Variants in RUBCN observed in about 807,000 individuals in gnomAD.
RUBCN encodes the protein rubicon autophagy regulator.
RUBCN carries 74 observed loss-of-function variants against 113.2 expected under a neutral mutation model. The observed-to-expected ratio is 0.65, with a 90% CI of 0.54 to 0.79. RUBCN has a LOEUF of 0.79. RUBCN is among the 30% of genes least tolerant of loss of function. RUBCN has a pLI of 0.00. For synonymous variants in RUBCN, 480 were observed against 490.0 expected (o/e 0.98, Z 0.27); for missense variants, 1,109 against 1,251.7 (o/e 0.89, Z 1.72).
At chr3:197,689,752 T>C (rs954185188) in intron 11 of RUBCN, among the ~76,000 whole-genome samples, 1 of 152,268 alleles carries the variant, frequency 6.6e-6, no homozygotes, top group African/African-American at 2.4e-5. Flanking sequence ...GCATACAATG[T>C]GTAATGGTCA....
chr3:197,682,649 T>C (rs1241553037), intron 13 of RUBCN, 34 bp from the exon 14 acceptor site: 1 of 1,601,766 alleles, frequency 6.2e-7, no homozygotes, highest in Admixed American at 1.7e-5. Flanking sequence ...GGTAAGCTCG[T>C]GTCAGTGTGC....
chr3:197,704,712 A>G lies in RUBCN; in HGVS notation c.304-11T>C, dbSNP rs373875742. ...GTGCACGCTGATGAACTGGGAAGCA[A>G]AGGGGCATGAGTCAAAACACACATC... On this transcript the variant is annotated splice_polypyrimidine_tract_variant and intron_variant, in intron 3 of 19. Coordinates refer to ENST00000296343, the MANE Select transcript of RUBCN (RefSeq NM_014687.4). 3.6e-5 allele frequency: 58 copies of G among 1,613,092 alleles called. No individual in the cohort carries two copies. In the African/African-American group the frequency reaches 6.1e-4, roughly 17 times the overall value.
chr3:197,681,169 C>T lies in RUBCN; in HGVS notation c.2390G>A (p.Ser797Asn), dbSNP rs779938988. The part of the protein sequence containing the change: ...DPLFNVQDIN[S>N]ALYRKVKLLN... ...CAGCTTGACCTTCCTATAGAGGGCACTGTTTATGTCCTGCACGTTGAAGAG... is the reference window on the plus strand; with the variant it reads ...CAGCTTGACCTTCCTATAGAGGGCATTGTTTATGTCCTGCACGTTGAAGAG... The change falls in exon 16 of 20, where the codon AGT (serine) becomes AAT (asparagine). Residue 797 changes from serine (S) to asparagine (N), a missense_variant. Physicochemically the swap from Ser to Asn is conservative, Grantham distance 46. Coordinates refer to ENST00000296343, the MANE Select transcript of RUBCN (RefSeq NM_014687.4). This position sits in a 1 kb window ranked among gnomAD's most constrained non-coding sequence, Gnocchi z 5.5. The T allele has an allele frequency of 1.4e-5, 22 of 1,614,046 alleles. 1 individual carries two copies. The South Asian group carries it at 2.2e-4, about 16-fold the overall frequency.
At chr3:197,708,487 T>A (rs1724574928) in intron 2 of RUBCN, among the ~76,000 whole-genome samples, 1 of 138,238 alleles carries the variant, frequency 7.2e-6, no homozygotes, top group African/African-American at 2.7e-5. Context: ...TAAATTAGGG[T>A]ACACTTGTAA....
At chr3:197,732,117 G>C (rs908706933) in intron 1 of RUBCN, among the ~76,000 whole-genome samples, 1 of 151,986 alleles carries the variant, frequency 6.6e-6, no homozygotes, top group Non-Finnish European at 1.5e-5. Context: ...ATGCTAAAAC[G>C]GATCTTACTC....
upstream of RUBCN, among the ~76,000 whole-genome samples, chr3:197,740,760 AC>A (rs1367036827): frequency 6.6e-6 from 1 of 151,894 alleles, no homozygotes; most frequent in Non-Finnish European, 1.5e-5. Flanking sequence ...AGCTGGGATT[AC>A]AGGTGCCCAA....
At chr3:197,694,049 T>C (rs1414731796) in intron 10 of RUBCN, 2 of 514,612 alleles carry the variant, frequency 3.9e-6, no homozygotes, top group Non-Finnish European at 6.9e-6. Flanking sequence ...TATTCCTTTA[T>C]TTATATATAT....
chr3:197,728,062 C>T (rs185514763), intron 1 of RUBCN, among the ~76,000 whole-genome samples: 4 of 151,422 alleles, frequency 2.6e-5, no homozygotes, highest in Admixed American at 2.0e-4. Flanking sequence ...GGCACAGTGG[C>T]ACATGCCTGT....
exon 1 of RUBCN, chr3:197,749,494 C>G: frequency 7.8e-7 from 1 of 1,286,252 alleles, no homozygotes; most frequent in Non-Finnish European, 1.0e-6. Context: ...TGGGATGCAG[C>G]TGCAATCTAC....
intron 2 of RUBCN, among the ~76,000 whole-genome samples, chr3:197,715,436 A>G (rs1454067891): frequency 6.6e-6 from 1 of 152,210 alleles, no homozygotes; most frequent in African/African-American, 2.4e-5. Flanking sequence ...AAATATGACA[A>G]TATTTTATAA....
intron 7 of RUBCN, among the ~76,000 whole-genome samples, chr3:197,699,421 G>T (rs114188649): frequency 4.6e-4 from 70 of 152,288 alleles, no homozygotes; most frequent in African/African-American, 1.5e-3. Flanking sequence ...AGATCCTTCC[G>T]CACACATTTT....
At chr3:197,693,161 T>C (rs1246665746) in intron 11 of RUBCN, among the ~76,000 whole-genome samples, 1 of 152,154 alleles carries the variant, frequency 6.6e-6, no homozygotes, top group African/African-American at 2.4e-5. Flanking sequence ...GGAACCCCAC[T>C]GTTCCTCTAT....
At chr3:197,716,214 G>A (rs371339312) in intron 2 of RUBCN, among the ~76,000 whole-genome samples, 3 of 152,178 alleles carry the variant, frequency 2.0e-5, no homozygotes, top group Non-Finnish European at 2.9e-5. Context: ...TGCAGCCTCC[G>A]CCTCCCAGGT....
At chr3:197,700,542 C>T (rs766251717) in intron 7 of RUBCN, 71 bp downstream of exon 7, 2 of 1,488,574 alleles carry the variant, frequency 1.3e-6, no homozygotes, top group Non-Finnish European at 1.9e-6. Context: ...CTGAAAAGTC[C>T]CCATAACAAG....
At chr3:197,676,694 G>A (rs1456379079) in intron 18 of RUBCN, 191 bp downstream of exon 18, 4 of 1,443,778 alleles carry the variant, frequency 2.8e-6, no homozygotes, top group Non-Finnish European at 3.6e-6. Context: ...CCCCTCACTC[G>A]AGGTTCTTTA....
In RUBCN at chr3:197,669,435, C is replaced by T. The variant is rs1364320770; in HGVS notation, c.*5583G>A. ...GTCAAGTGTTTTGTAGAAAGTTCCTCGAATTTTGCTCCTGTGTTTATGTTG... is the reference window on the plus strand; with the variant it reads ...GTCAAGTGTTTTGTAGAAAGTTCCTTGAATTTTGCTCCTGTGTTTATGTTG... On this transcript the variant is annotated 3_prime_UTR_variant, in exon 20 of 20. Coordinates refer to ENST00000296343, the MANE Select transcript of RUBCN (RefSeq NM_014687.4). Among the ~76,000 whole-genome samples the T allele has an allele frequency of 6.6e-6, 1 of 152,110 alleles. No individual in the cohort carries two copies. The highest frequency in any genetic ancestry group is 1.5e-5 in the Non-Finnish European group (1 of 68,018).
chr3:197,694,526 G>C lies in RUBCN; in HGVS notation c.1533C>G (p.Cys511Trp). 1 of 1,614,196 alleles carries C rather than the reference G, an allele frequency of 6.2e-7. No homozygotes were observed. Among genetic ancestry groups the C allele is most frequent in the Non-Finnish European group, 8.5e-7 (1 of 1,180,038 alleles). ...CCTCTAGGCACTGGCTCATCATGTT[G>C]CACTTCATTAGCTCGATGGCAGCAA... Reference protein sequence around the residue: ...SLIAAIELMKCNMMSQCLEEE... With the variant: ...SLIAAIELMKWNMMSQCLEEE... Residue 511 changes from cysteine (C) to tryptophan (W), a missense_variant, in exon 10 of 20, where the codon TGC (cysteine) becomes TGG (tryptophan). Physicochemically the swap from Cys to Trp is radical, Grantham distance 215. Around this residue, in one of 3 missense-constraint regions of RUBCN, gnomAD observed 736 missense variants for 779.6 expected, o/e 0.94. Transcript: ENST00000296343.
At chr3:197,742,751 G>A (rs968039223) in intron 1 of RUBCN, among the ~76,000 whole-genome samples, 5 of 152,258 alleles carry the variant, frequency 3.3e-5, no homozygotes, top group African/African-American at 1.2e-4. Flanking sequence ...GGGAGAAGGA[G>A]GAATGCCTGA....
At position 197,683,332 on chromosome 3, in the gene RUBCN, A is replaced by G; in HGVS notation, c.1955T>C (p.Val652Ala). Residue 652 changes from valine (V) to alanine (A), a missense_variant, in exon 13 of 20, where the codon GTC becomes GCC. Physicochemically the swap from Val to Ala is moderately conservative, Grantham distance 64 (BLOSUM62 0). This residue lies in a region of RUBCN where 67 missense variants were observed against 123.2 expected (regional missense o/e 0.54). Transcript: ENST00000296343. The surrounding 1 kb of genome is among the most constrained non-coding windows in gnomAD (Gnocchi z 4.6). ...CTTCTGAGGGGCATCATGCTCCGGG[A>G]CAAGCCACTCCAGCTCCGAGGCGGC... The part of the protein sequence containing the change: ...LPAASELEWL[V>A]PEHDAPQKLL... 6.2e-7 allele frequency: 1 copy of G among 1,614,178 alleles called. No individual in the cohort carries two copies. The highest frequency in any genetic ancestry group is 8.5e-7 in the Non-Finnish European group (1 of 1,180,022).
Sources: gnomAD v4.1 joint callset for allele counts (sites outside exome capture counted in the v4.1 genomes callset) on GRCh38, gnomAD v4.1.1 for gene constraint, gnomAD v4.1.1 regional missense constraint, Gnocchi (gnomAD v3.1) non-coding constraint, MANE v1.5 for transcripts, NCBI Gene and HGNC (gene_info 2026-07-23, HGNC 2026-07-21) for gene names.